The following SP5 variants were observed in gnomAD, a reference collection of about 807,000 sequenced individuals.
The protein encoded by SP5 is Sp5 transcription factor.
SP5 carries 12 observed loss-of-function variants against 27.4 expected under a neutral mutation model. That is an observed-to-expected ratio of 0.44 (90% CI 0.28 to 0.71). The LOEUF is 0.71. SP5 is among the 30% of genes least tolerant of loss of function. The pLI is 0.15. For synonymous variants in SP5, 330 were observed against 290.7 expected (o/e 1.14, Z -1.38); for missense variants, 660 against 589.8 (o/e 1.12, Z -1.23).
chr2:170,716,319 G>C lies in SP5; in HGVS notation c.112G>C (p.Ala38Pro). 3 of 1,595,444 alleles carry C rather than the reference G, an allele frequency of 1.9e-6. No individual in the cohort carries two copies. Among genetic ancestry groups the C allele is most frequent in the Non-Finnish European group, 2.5e-6 (3 of 1,178,854 alleles). ...GKHSPLALLA[A>P]TCSRIGQPGA... ...GCACTCGCCCCTGGCATTGCTGGCC[G>C]CCACCTGTAGCCGCATCGGCCAGCC... The change falls in exon 2 of 2, where the codon GCC becomes CCC. Residue 38 changes from alanine (A) to proline (P), a missense_variant. Physicochemically the swap from Ala to Pro is conservative, Grantham distance 27. Transcript: ENST00000375281.
Position 170,715,615 on chromosome 2 carries a change from G to A in SP5, c.51+52G>A, listed in dbSNP as rs1448605512. On this transcript the variant is annotated intron_variant, in intron 1 of 1. Transcript: ENST00000375281. ...GAGAAAGGTGGAAAGGGCCGTGTCC[G>A]GATCTCTCCTGGTACTCCGTGCACC... 11 of 1,531,252 alleles carry A rather than the reference G, an allele frequency of 7.2e-6. No individual in the cohort carries two copies. The African/African-American group carries it at 1.3e-4, about 18-fold the overall frequency. The allele number at this position is 1,531,252 out of a possible 1,614,324, so 94.9% of individuals were successfully genotyped here.
Position 170,715,343 on chromosome 2 carries a change from C to T in SP5, c.-170C>T. 1.2e-6 allele frequency: 1 copy of T among 816,276 alleles called. No individual in the cohort carries two copies. The highest frequency in any genetic ancestry group is 1.7e-6 in the Non-Finnish European group (1 of 574,082). 50.6% of individuals were successfully genotyped at this position (816,276 alleles called of 1,614,324 possible). A position where few individuals can be genotyped will look rare whatever the true frequency, so the allele number is the denominator to read the frequency against. Reference sequence around the variant, plus strand: ...AGGTGATCCTGAAGCGCTCAGACCGCGCGCGGGGCGAGCGAGCGGGGCGCG... The same window carrying T: ...AGGTGATCCTGAAGCGCTCAGACCGTGCGCGGGGCGAGCGAGCGGGGCGCG... On this transcript the variant is annotated 5_prime_UTR_variant, in exon 1 of 2. Coordinates refer to ENST00000375281, the MANE Select transcript of SP5 (RefSeq NM_001003845.3).
rs528196142 is a variant in SP5, at chr2:170,716,992, C to T, written c.785C>T (p.Ala262Val). The T allele has an allele frequency of 1.9e-5, 29 of 1,547,594 alleles. No individual in the cohort carries two copies. The highest frequency in any genetic ancestry group is 2.4e-5 in the South Asian group (2 of 83,958). ...SQIAALLQTKAPLAATARRCR... is the reference protein window; with the variant it reads ...SQIAALLQTKVPLAATARRCR... ...ATCGCCGCGCTGCTGCAGACCAAGG[C>T]CCCCCTGGCGGCCACGGCCAGGAGG... The change falls in exon 2 of 2, where the codon GCC (alanine) becomes GTC (valine). Residue 262 changes from alanine to valine, a missense_variant. By Grantham distance (64) the Ala-to-Val change is moderately conservative. Coordinates refer to ENST00000375281, the MANE Select transcript of SP5 (RefSeq NM_001003845.3).
At position 170,716,917 on chromosome 2, in the gene SP5, A is replaced by G. The variant is rs1190714304; in HGVS notation, c.710A>G (p.Gln237Arg). 4 of 1,540,936 alleles carry G rather than the reference A, an allele frequency of 2.6e-6. No individual in the cohort carries two copies. In the Admixed American group the frequency reaches 5.9e-5, roughly 23 times the overall value. Residue 237 changes from glutamine (Q) to arginine (R), a missense_variant, in exon 2 of 2, where the codon CAA becomes CGA. Gln to Arg is a conservative substitution (Grantham distance 43, BLOSUM62 1). Transcript: ENST00000375281. ...AAAAAAAAAL[Q>R]RGLVLGPSDF... ...GCTGCTGCGGCCGCCGCCGCCCTAC[A>G]AAGAGGCCTGGTGTTGGGCCCGTCG...
rs1202632459 is a variant in SP5, at chr2:170,715,493, G to A, written c.-20G>A. 2.1e-5 allele frequency: 33 copies of A among 1,547,646 alleles called. No individual in the cohort carries two copies. The East Asian group carries it at 4.9e-4, about 23-fold the overall frequency. ...GCGGCGGCGTCCCGCTCCGCAGCCAGGGGCCTGCAAGCCGTAGCCATGGCC... is the reference window on the plus strand; with the variant it reads ...GCGGCGGCGTCCCGCTCCGCAGCCAAGGGCCTGCAAGCCGTAGCCATGGCC... On this transcript the variant is annotated 5_prime_UTR_variant, in exon 1 of 2. Coordinates refer to ENST00000375281, the MANE Select transcript of SP5 (RefSeq NM_001003845.3).
intron 1 of SP5, 75 bp from the exon 2 acceptor site, chr2:170,716,184 C>T: frequency 6.7e-7 from 1 of 1,499,700 alleles, no homozygotes; most frequent in South Asian, 1.3e-5. Flanking sequence ...GGCGTGGGGG[C>T]GGCGGGCTGG....
chr2:170,716,664 G>T lies in SP5; in HGVS notation c.457G>T (p.Ala153Ser). The T allele has an allele frequency of 1.9e-6, 3 of 1,598,182 alleles. No individual in the cohort carries two copies. The highest frequency in any genetic ancestry group is 2.6e-6 in the Non-Finnish European group (3 of 1,175,406). ...CGCCTACGTGCCCTACGCGGCGCAGGCCGCGCTGCCGCCAGGCTACTCCAA... is the reference window on the plus strand; with the variant it reads ...CGCCTACGTGCCCTACGCGGCGCAGTCCGCGCTGCCGCCAGGCTACTCCAA... ...APAYVPYAAQ[A>S]ALPPGYSNLL... Residue 153 changes from alanine (A) to serine (S), a missense_variant, in exon 2 of 2, where the codon GCC (alanine) becomes TCC (serine). By Grantham distance (99) the Ala-to-Ser change is moderately conservative (BLOSUM62 1). Coordinates refer to ENST00000375281, the MANE Select transcript of SP5 (RefSeq NM_001003845.3).
rs747467290 is a variant in SP5 at position 170,717,278 on chromosome 2, C to T, written c.1071C>T (p.Ala357=). The T allele has an allele frequency of 3.7e-6, 6 of 1,610,042 alleles. No individual in the cohort carries two copies. The highest frequency in any genetic ancestry group is 4.2e-6 in the Non-Finnish European group (5 of 1,179,764). ...CTCACACGGGCGAGAAGCGCTTTGC[C>T]TGTCCCGAGTGCGGCAAGCGCTTCA... ...LRTHTGEKRF[A]CPECGKRFMR... is the part of the protein sequence containing the mutation. Residue 357 remains alanine, a synonymous_variant, in exon 2 of 2, where the codon GCC becomes GCT. Transcript: ENST00000375281.
chr2:170,716,960 G>C lies in SP5; in HGVS notation c.753G>C (p.Gln251His), dbSNP rs1700083986. Residue 251 changes from glutamine (Q) to histidine (H), a missense_variant, in exon 2 of 2, where the codon CAG becomes CAC. Transcript: ENST00000375281. The stretch of plus-strand genomic sequence containing the variant: ...GCCCGTCGGACTTTGCGCAGTACCA[G>C]AGCCAGATCGCCGCGCTGCTGCAGA... ...VLGPSDFAQY[Q>H]SQIAALLQTK... The C allele has an allele frequency of 6.5e-7, 1 of 1,547,654 alleles. No homozygotes were observed. Among genetic ancestry groups the C allele is most frequent in the African/African-American group, 1.4e-5 (1 of 72,970 alleles).
At chr2:170,715,780 G>C (rs1206998164) in intron 1 of SP5, 13 of 985,446 alleles carry the variant, frequency 1.3e-5, no homozygotes, top group Non-Finnish European at 1.6e-5. Flanking sequence ...TGCCCGGCTG[G>C]CCGAGAACAG....
In SP5 at chr2:170,717,465, C is replaced by A; in HGVS notation, c.*61C>A. On this transcript the variant is annotated 3_prime_UTR_variant, in exon 2 of 2. Transcript: ENST00000375281. ...TGCGAGAGATCCGGGGACCTGTGGGCAGCTGGCGGAGGGGAGACTCAGCAG... is the reference window on the plus strand; with the variant it reads ...TGCGAGAGATCCGGGGACCTGTGGGAAGCTGGCGGAGGGGAGACTCAGCAG... 6.3e-7 allele frequency: 1 copy of A among 1,580,170 alleles called. No individual in the cohort carries two copies. Among genetic ancestry groups the A allele is most frequent in the Non-Finnish European group, 8.6e-7 (1 of 1,168,300 alleles).
rs1700096690 is a variant in SP5, at chr2:170,717,513, C to T, written c.*109C>T. On this transcript the variant is annotated 3_prime_UTR_variant, in exon 2 of 2. Coordinates refer to ENST00000375281, the MANE Select transcript of SP5 (RefSeq NM_001003845.3). ...CAGACGGACCCTCTCCGTTGCCTGC[C>T]TCCCAAAATGGAGCCAGGCTTCCAA... 4.3e-6 allele frequency: 6 copies of T among 1,408,380 alleles called. No homozygotes were observed. Among genetic ancestry groups the T allele is most frequent in the African/African-American group, 1.5e-5 (1 of 68,910 alleles). The allele number at this position is 1,408,380 out of a possible 1,614,324, so 87.2% of individuals were successfully genotyped here.
rs981366116 is a variant in SP5 at position 170,716,331 on chromosome 2, C to G, written c.124C>G (p.Arg42Gly). The change falls in exon 2 of 2, where the codon CGC becomes GGC. Residue 42 changes from arginine (R) to glycine (G), a missense_variant. Transcript: ENST00000375281. Reference sequence around the variant, plus strand: ...GGCATTGCTGGCCGCCACCTGTAGCCGCATCGGCCAGCCGGGCGCGGCGGC... The same window carrying G: ...GGCATTGCTGGCCGCCACCTGTAGCGGCATCGGCCAGCCGGGCGCGGCGGC... ...PLALLAATCSRIGQPGAAAPP... is the reference protein window; with the variant it reads ...PLALLAATCSGIGQPGAAAPP... The G allele has an allele frequency of 1.9e-6, 3 of 1,596,142 alleles. No homozygotes were observed. The highest frequency in any genetic ancestry group is 2.5e-6 in the Non-Finnish European group (3 of 1,178,966).
rs996060075 is a variant in SP5 at position 170,717,503 on chromosome 2, C to T, written c.*99C>T. Reference sequence around the variant, plus strand: ...GGAGACTCAGCAGACGGACCCTCTCCGTTGCCTGCCTCCCAAAATGGAGCC... The same window carrying T: ...GGAGACTCAGCAGACGGACCCTCTCTGTTGCCTGCCTCCCAAAATGGAGCC... On this transcript the variant is annotated 3_prime_UTR_variant, in exon 2 of 2. Transcript: ENST00000375281. The T allele has an allele frequency of 1.1e-4, 164 of 1,445,794 alleles. No individual in the cohort carries two copies. The highest frequency in any genetic ancestry group is 1.5e-4 in the Non-Finnish European group (159 of 1,080,240). The allele number at this position is 1,445,794 out of a possible 1,614,324, so 89.6% of individuals were successfully genotyped here. A position where few individuals can be genotyped will look rare whatever the true frequency, so the allele number is the denominator to read the frequency against.
At chr2:170,715,684 A>T (rs371588287) in intron 1 of SP5, 121 bp downstream of exon 1, 2 of 1,454,272 alleles carry the variant, frequency 1.4e-6, no homozygotes, top group East Asian at 2.8e-5. Flanking sequence ...AGCTGGAGCC[A>T]GGCCTAGGGG....
At position 170,716,699 on chromosome 2, in the gene SP5, T is replaced by TCCGCCGCCGCCACCG; in HGVS notation, c.495_509dup (p.Pro169_Pro173dup). 1 of 1,521,458 alleles carries TCCGCCGCCGCCACCG rather than the reference T, an allele frequency of 6.6e-7. No individual in the cohort carries two copies. The highest frequency in any genetic ancestry group is 8.7e-7 in the Non-Finnish European group (1 of 1,143,774). 94.2% of individuals were successfully genotyped at this position (1,521,458 alleles called of 1,614,324 possible). On this transcript the variant is annotated inframe_insertion, in exon 2 of 2. Coordinates refer to ENST00000375281, the MANE Select transcript of SP5 (RefSeq NM_001003845.3). ...CGCCAGGCTACTCCAACCTGCTGCC[T>TCCGCCGCCGCCACCG]CCGCCGCCGCCACCGCCCCCGCCGC...
At chr2:170,716,072 G>C (rs1011005729) in intron 1 of SP5, 187 bp from the exon 2 acceptor site, 15 of 1,401,032 alleles carry the variant, frequency 1.1e-5, no homozygotes, top group Non-Finnish European at 1.4e-5. Context: ...CGTTCAGGTA[G>C]CGCAGGCACC....
At position 170,716,840 on chromosome 2, in the gene SP5, C is replaced by T. The variant is rs1700080376; in HGVS notation, c.633C>T (p.Gly211=). The change falls in exon 2 of 2, where the codon GGC becomes GGT. Residue 211 remains glycine, a synonymous_variant. Transcript: ENST00000375281. ...GGGTTCCGGGAAGCGGCCTCTCCGG[C>T]GCCTGTGCCGGGGCCCCCCACGCGC... ...ASGVPGSGLS[G]ACAGAPHAPR... 2 of 1,423,990 alleles carry T rather than the reference C, an allele frequency of 1.4e-6. No homozygotes were observed. The highest frequency in any genetic ancestry group is 1.8e-6 in the Non-Finnish European group (2 of 1,093,838). 88.2% of individuals were successfully genotyped at this position (1,423,990 alleles called of 1,614,324 possible).
In SP5 at chr2:170,716,936, C is replaced by A; in HGVS notation, c.729C>A (p.Gly243=). ...CCCTACAAAGAGGCCTGGTGTTGGG[C>A]CCGTCGGACTTTGCGCAGTACCAGA... ...AAALQRGLVL[G]PSDFAQYQSQ... Residue 243 remains glycine, a synonymous_variant, in exon 2 of 2, where the codon GGC becomes GGA. Transcript: ENST00000375281. The A allele has an allele frequency of 1.3e-6, 2 of 1,547,162 alleles. No homozygotes were observed. Among genetic ancestry groups the A allele is most frequent in the African/African-American group, 2.7e-5 (2 of 73,004 alleles).
Sources: gnomAD v4.1 joint callset for allele counts on GRCh38, gnomAD v4.1.1 for gene constraint, MANE v1.5 for transcripts, NCBI Gene and HGNC (gene_info 2026-07-23, HGNC 2026-07-21) for gene names.